Variants in AKAP19 observed in about 807,000 individuals in gnomAD.
AKAP19 encodes A-kinase anchoring protein 19, also known as small A-kinase anchoring protein.
At chr2:190,115,103 G>T in the AKAP19 span, among the ~76,000 whole-genome samples, 1,802 of 148,012 alleles carry the variant, frequency 0.012, 30 homozygotes, top group East Asian at 0.1. Context: ...TGGCTTATGG[G>T]GGGCAGGGGA....
chr2:190,027,887 A>G, the AKAP19 span, among the ~76,000 whole-genome samples: 1 of 152,150 alleles, frequency 6.6e-6, no homozygotes, highest in African/African-American at 2.4e-5. Flanking sequence ...TTTGTTTGGC[A>G]TCTATGAATT....
chr2:190,024,503 G>A, the AKAP19 span, among the ~76,000 whole-genome samples: 1 of 151,662 alleles, frequency 6.6e-6, no homozygotes, highest in Non-Finnish European at 1.5e-5. Context: ...CTGTAGAATG[G>A]GCACAAATCC....
At chr2:190,077,471 G>C in the AKAP19 span, among the ~76,000 whole-genome samples, 1 of 151,670 alleles carries the variant, frequency 6.6e-6, no homozygotes, top group Non-Finnish European at 1.5e-5. Context: ...ATGTTAACAT[G>C]TTAAAAATTT....
the AKAP19 span, among the ~76,000 whole-genome samples, chr2:190,136,928 T>C: frequency 6.6e-6 from 1 of 152,202 alleles, no homozygotes; most frequent in East Asian, 1.9e-4. Context: ...GAATGTGCTT[T>C]TGGCAAAAAT....
At chr2:190,183,110 G>A in the AKAP19 span, among the ~76,000 whole-genome samples, 1 of 152,170 alleles carries the variant, frequency 6.6e-6, no homozygotes, top group Non-Finnish European at 1.5e-5. Flanking sequence ...CAGTAGGAAT[G>A]GTCCTGGATT....
chr2:190,109,354 CT>C, the AKAP19 span, among the ~76,000 whole-genome samples: 13 of 149,370 alleles, frequency 8.7e-5, no homozygotes, highest in South Asian at 2.1e-4. Flanking sequence ...ATTTTCTCAG[CT>C]TTTTTTTTTC....
the AKAP19 span, among the ~76,000 whole-genome samples, chr2:190,153,197 T>C: frequency 9.2e-5 from 14 of 152,160 alleles, no homozygotes; most frequent in East Asian, 2.7e-3. Flanking sequence ...GCCCGGCCAC[T>C]TGCCCATTAT....
At chr2:189,897,453 T>G in the AKAP19 span, among the ~76,000 whole-genome samples, 1 of 152,146 alleles carries the variant, frequency 6.6e-6, no homozygotes, top group East Asian at 1.9e-4. Context: ...GTTAAAATAT[T>G]ATGTATTCTG....
At chr2:189,993,966 A>T in the AKAP19 span, among the ~76,000 whole-genome samples, 1 of 145,924 alleles carries the variant, frequency 6.9e-6, no homozygotes, top group African/African-American at 2.5e-5. Context: ...TTTTTGTTTC[A>T]TTTATCTTTT....
At chr2:190,111,419 G>A in the AKAP19 span, among the ~76,000 whole-genome samples, 2 of 152,062 alleles carry the variant, frequency 1.3e-5, no homozygotes, top group African/African-American at 4.8e-5. Context: ...GTGTCCATTA[G>A]CCATCAAGTG....
At chr2:189,917,595 A>G in the AKAP19 span, 1 of 406,480 alleles carries the variant, frequency 2.5e-6, no homozygotes, top group Non-Finnish European at 4.5e-6. Flanking sequence ...TCCACATTTC[A>G]ACTTAGATAA....
At chr2:189,881,350 G>A in the AKAP19 span, among the ~76,000 whole-genome samples, 25 of 152,262 alleles carry the variant, frequency 1.6e-4, no homozygotes, top group African/African-American at 5.8e-4. Flanking sequence ...TATCTGATTG[G>A]CGTCTCCAAA....
chr2:189,909,161 A>G, the AKAP19 span, among the ~76,000 whole-genome samples: 3 of 151,800 alleles, frequency 2.0e-5, no homozygotes, highest in East Asian at 5.8e-4. Context: ...ATTTTGTCTG[A>G]TAGTAGAATA....
the AKAP19 span, among the ~76,000 whole-genome samples, chr2:189,890,790 T>A: frequency 2.0e-5 from 3 of 152,324 alleles, no homozygotes; most frequent in South Asian, 4.1e-4. Flanking sequence ...CCTCCATCCC[T>A]TTATTTTGAG....
At chr2:189,976,533 G>T in the AKAP19 span, among the ~76,000 whole-genome samples, 1 of 152,210 alleles carries the variant, frequency 6.6e-6, no homozygotes, top group East Asian at 1.9e-4. Flanking sequence ...AGTCTGCAGA[G>T]GTTTCTGCTG....
At chr2:190,126,060 A>T in the AKAP19 span, among the ~76,000 whole-genome samples, 1 of 151,874 alleles carries the variant, frequency 6.6e-6, no homozygotes, top group Admixed American at 6.6e-5. Flanking sequence ...TGGGAGGCCG[A>T]GGTGGGCAGA....
chr2:190,181,828 T>C, the AKAP19 span, among the ~76,000 whole-genome samples: 8 of 152,318 alleles, frequency 5.3e-5, no homozygotes, highest in Non-Finnish European at 1.0e-4. Context: ...TATGACAAAG[T>C]ATAAATCAAA....
the AKAP19 span, among the ~76,000 whole-genome samples, chr2:189,882,231 G>C: frequency 1.3e-5 from 2 of 152,266 alleles, no homozygotes; most frequent in South Asian, 4.1e-4. Flanking sequence ...TCACCTAAAC[G>C]TGATAAGTTT....
At chr2:189,882,251 A>G in the AKAP19 span, among the ~76,000 whole-genome samples, 18 of 152,234 alleles carry the variant, frequency 1.2e-4, no homozygotes, top group East Asian at 3.3e-3. Context: ...TTATTTTTAA[A>G]CCCTTCTTCA....
Sources: gnomAD v4.1 joint callset for allele counts (sites outside exome capture counted in the v4.1 genomes callset) on GRCh38, gnomAD v4.1.1 for gene constraint, MANE v1.5 for transcripts, NCBI Gene and HGNC (gene_info 2026-07-23, HGNC 2026-07-21) for gene names.